The following PRKAG2 variants were observed in gnomAD, a reference collection of about 807,000 sequenced individuals.
The protein encoded by PRKAG2 is protein kinase AMP-activated non-catalytic subunit gamma 2, also known as 5'-AMP-activated protein kinase subunit gamma-2.
In PRKAG2, 26 loss-of-function variants were observed where a neutral mutation model predicts 69.6. That is an observed-to-expected ratio of 0.37 (90% CI 0.27 to 0.52). The LOEUF (loss-of-function observed/expected upper bound fraction) is 0.52, where lower values mean the gene tolerates loss of function less well. Among genes scored for constraint, PRKAG2 ranks in the 20% least tolerant of loss-of-function variants. PRKAG2 has a pLI of 0.90. For missense variants in PRKAG2, 557 were observed against 740.0 expected, an observed-to-expected ratio of 0.75 and a Z score of 2.87; for synonymous variants, 293 against 285.0, an observed-to-expected ratio of 1.03 and a Z score of -0.28.
At chr7:151,696,011 G>A (rs992013414) in intron 3 of PRKAG2, among the ~76,000 whole-genome samples, 4 of 152,146 alleles carry the variant, frequency 2.6e-5, no homozygotes, top group Non-Finnish European at 5.9e-5. Flanking sequence ...GAGGGGGCGG[G>A]CCTGATGCCG....
intron 3 of PRKAG2, among the ~76,000 whole-genome samples, chr7:151,701,710 T>C (rs962090046): frequency 1.1e-4 from 16 of 151,728 alleles, no homozygotes; most frequent in African/African-American, 3.4e-4. Context: ...GGCCTGGTGG[T>C]GGGCACCTGT....
At chr7:151,853,005 T>G (rs1350684070) in intron 1 of PRKAG2, among the ~76,000 whole-genome samples, 2 of 152,152 alleles carry the variant, frequency 1.3e-5, no homozygotes, top group African/African-American at 4.8e-5. Flanking sequence ...CCTCCAAAGG[T>G]AGGGGCGGCT....
intron 1 of PRKAG2, among the ~76,000 whole-genome samples, chr7:151,818,775 T>A (rs900611254): frequency 3.3e-5 from 5 of 152,220 alleles, no homozygotes; most frequent in African/African-American, 1.2e-4. Flanking sequence ...CAGCTGGGGA[T>A]TCGGGGCACG....
intron 3 of PRKAG2, among the ~76,000 whole-genome samples, chr7:151,712,363 G>A (rs1392370127): frequency 6.6e-6 from 1 of 152,190 alleles, no homozygotes; most frequent in Non-Finnish European, 1.5e-5. Flanking sequence ...GGTGGCCACC[G>A]CAGGAGACTG....
chr7:151,580,629 T>C (rs140915726), intron 6 of PRKAG2, among the ~76,000 whole-genome samples: 1 of 152,202 alleles, frequency 6.6e-6, no homozygotes, highest in African/African-American at 2.4e-5. Flanking sequence ...AGATGGAAAG[T>C]AGTAAGTCAA....
rs992103612 is a variant in PRKAG2 at position 151,632,230 on chromosome 7, C to T, written c.685-92G>A. 2.6e-5 allele frequency: 29 copies of T among 1,099,180 alleles called. 1 individual carries two copies. The South Asian group carries it at 7.7e-4, about 29-fold the overall frequency. 68.1% of individuals were successfully genotyped at this position (1,099,180 alleles called of 1,614,324 possible). A position where few individuals can be genotyped will look rare whatever the true frequency, so the allele number is the denominator to read the frequency against. On this transcript the variant is annotated intron_variant, in intron 4 of 15. Transcript: ENST00000287878. This position sits in a 1 kb window ranked among gnomAD's most constrained non-coding sequence, Gnocchi z 4.2. ...CGGCCGGCCGAGCGCTGGGGCCTGG[C>T]TCTGCCGCGCCGCCGGGAGGAGGGG...
chr7:151,648,005 G>T (rs1231567131), intron 4 of PRKAG2, among the ~76,000 whole-genome samples: 3 of 152,140 alleles, frequency 2.0e-5, no homozygotes, highest in African/African-American at 7.2e-5. Flanking sequence ...CCTGTGTGAG[G>T]TAATAAAGGG....
intron 1 of PRKAG2, among the ~76,000 whole-genome samples, chr7:151,874,865 G>A (rs1272475978): frequency 6.6e-6 from 1 of 152,182 alleles, no homozygotes; most frequent in African/African-American, 2.4e-5. Context: ...TTCCCACCTG[G>A]GGAGCAGAGT....
intron 4 of PRKAG2, among the ~76,000 whole-genome samples, chr7:151,637,012 A>G (rs1825858568): frequency 6.6e-6 from 1 of 152,130 alleles, no homozygotes; most frequent in Non-Finnish European, 1.5e-5. Flanking sequence ...GCCTCTCTAC[A>G]TTTAATATTT....
At chr7:151,575,055 A>G in intron 7 of PRKAG2, 106 bp from the exon 8 acceptor site, 2 of 1,451,108 alleles carry the variant, frequency 1.4e-6, no homozygotes, top group Non-Finnish European at 1.9e-6. Context: ...TATAAAATAT[A>G]CTTCGAAGAT....
chr7:151,666,296 C>G (rs1171520141), intron 4 of PRKAG2, among the ~76,000 whole-genome samples: 1 of 152,186 alleles, frequency 6.6e-6, no homozygotes, highest in East Asian at 1.9e-4. Flanking sequence ...AGGGTAGGCC[C>G]TAGTCCAATA....
intron 3 of PRKAG2, among the ~76,000 whole-genome samples, chr7:151,726,371 G>GACACACACACACACACACACACACACAC (rs60238080): frequency 6.7e-6 from 1 of 148,284 alleles, no homozygotes; most frequent in African/African-American, 2.5e-5. Context: ...AGGGAGGCAG[G>GACACACACACACACACACACACACACAC]ACACACACAC....
chr7:151,710,844 G>A (rs1467364515), intron 3 of PRKAG2, among the ~76,000 whole-genome samples: 1 of 152,196 alleles, frequency 6.6e-6, no homozygotes, highest in Non-Finnish European at 1.5e-5. Flanking sequence ...GCAGAGTCTA[G>A]AATATTGCTT....
chr7:151,808,969 C>T (rs969390277), intron 1 of PRKAG2, among the ~76,000 whole-genome samples: 19 of 152,144 alleles, frequency 1.2e-4, no homozygotes, highest in African/African-American at 4.6e-4. Context: ...TCCCGCGCTC[C>T]CCCTCCTCCC....
intron 3 of PRKAG2, among the ~76,000 whole-genome samples, chr7:151,706,049 A>G (rs192495863): frequency 4.6e-5 from 7 of 152,234 alleles, no homozygotes; most frequent in Admixed American, 4.6e-4. Context: ...ACCATGTTGT[A>G]CCCTGCAAAG....
intron 1 of PRKAG2, among the ~76,000 whole-genome samples, chr7:151,874,482 T>C (rs2080336494): frequency 1.1e-5 from 1 of 90,986 alleles, no homozygotes; most frequent in Non-Finnish European, 2.2e-5. Flanking sequence ...ATGATGTATA[T>C]GTATATGATG....
rs1437489653 is a variant in PRKAG2, at chr7:151,696,019, C to T, written c.467-20382G>A. 2.0e-5 allele frequency among the ~76,000 whole-genome samples: 3 copies of T among 152,270 alleles called. No homozygotes were observed. The East Asian group carries it at 5.8e-4, about 29-fold the overall frequency. ...GGGGTCCGAGGGGGCGGGCCTGATG[C>T]CGGCATAAGGTTTGATGTTGCCAGC... On this transcript the variant is annotated intron_variant, in intron 3 of 15. Coordinates refer to ENST00000287878, the MANE Select transcript of PRKAG2 (RefSeq NM_016203.4).
Position 151,876,651 on chromosome 7 carries a change from T to G in PRKAG2, c.-31A>C, listed in dbSNP as rs1372475716. ...TAACCAGAAGTTGATTCTGCGAAAC[T>G]CCTCGGGGGTTCGGTCCCCTCCTTC... is the stretch of plus-strand genomic sequence containing the variant. On this transcript the variant is annotated 5_prime_UTR_variant, in exon 1 of 16. Transcript: ENST00000287878. The G allele has an allele frequency of 6.3e-6, 10 of 1,592,738 alleles. No individual in the cohort carries two copies. The highest frequency in any genetic ancestry group is 8.6e-6 in the Non-Finnish European group (10 of 1,169,486).
chr7:151,603,558 C>T (rs1420197341), intron 5 of PRKAG2, among the ~76,000 whole-genome samples: 2 of 135,132 alleles, frequency 1.5e-5, no homozygotes, highest in African/African-American at 2.9e-5. Context: ...CCGTCCTCAC[C>T]GCACACGGAG....
Sources: gnomAD v4.1 joint callset for allele counts (sites outside exome capture counted in the v4.1 genomes callset) on GRCh38, gnomAD v4.1.1 for gene constraint, Gnocchi (gnomAD v3.1) non-coding constraint, MANE v1.5 for transcripts, NCBI Gene and HGNC (gene_info 2026-07-23, HGNC 2026-07-21) for gene names.